MGAT4C: variants seen among roughly 807,000 people sequenced by gnomAD.
MGAT4C encodes MGAT4 family member C.
In MGAT4C, 19 loss-of-function variants were observed where a neutral mutation model predicts 40.1. The observed-to-expected ratio is 0.47, with a 90% CI of 0.33 to 0.70. MGAT4C has a LOEUF of 0.70. MGAT4C is among the 30% of genes least tolerant of loss of function. The pLI, the probability that MGAT4C is intolerant of heterozygous loss-of-function variation, is 0.02. For synonymous variants in MGAT4C, 181 were observed against 187.1 expected (o/e 0.97, Z 0.27); for missense variants, 491 against 563.2 (o/e 0.87, Z 1.30).
chr12:86,433,733 T>C (rs1957087619), intron 3 of MGAT4C, among the ~76,000 whole-genome samples: 2 of 152,014 alleles, frequency 1.3e-5, no homozygotes, highest in South Asian at 2.1e-4. Context: ...TGCTAAAGTT[T>C]TTTAAGCTCG....
chr12:86,145,995 C>T (rs1452733245), intron 1 of MGAT4C, among the ~76,000 whole-genome samples: 1 of 151,966 alleles, frequency 6.6e-6, no homozygotes, highest in Non-Finnish European at 1.5e-5. Context: ...TGAATGAAAA[C>T]AGTCTAAGAC....
At chr12:86,141,358 T>A (rs1034611418) in intron 1 of MGAT4C, among the ~76,000 whole-genome samples, 1 of 152,118 alleles carries the variant, frequency 6.6e-6, no homozygotes, top group Non-Finnish European at 1.5e-5. Flanking sequence ...GAAATATAAA[T>A]AAATAGCTGC....
chr12:86,434,084 G>A (rs2136272035), intron 3 of MGAT4C, among the ~76,000 whole-genome samples: 1 of 152,102 alleles, frequency 6.6e-6, no homozygotes, highest in South Asian at 2.1e-4. Context: ...CTATTCTGGT[G>A]TAAACTCCTG....
intron 1 of MGAT4C, among the ~76,000 whole-genome samples, chr12:86,143,718 C>A (rs574572255): frequency 6.6e-6 from 1 of 152,044 alleles, no homozygotes; most frequent in African/African-American, 2.4e-5. Flanking sequence ...AACACAGATA[C>A]TTGAAAACTT....
At chr12:86,581,313 G>A (rs1367913751) in intron 2 of MGAT4C, among the ~76,000 whole-genome samples, 1 of 151,374 alleles carries the variant, frequency 6.6e-6, no homozygotes, top group Non-Finnish European at 1.5e-5. Context: ...AGCCACAGTG[G>A]TATTTTATTA....
chr12:86,671,984 A>AT (rs1964265425), intron 2 of MGAT4C, among the ~76,000 whole-genome samples: 2 of 152,188 alleles, frequency 1.3e-5, no homozygotes, highest in African/African-American at 4.8e-5. Context: ...CAGAATACAC[A>AT]TTTTTCTAGT....
intron 2 of MGAT4C, among the ~76,000 whole-genome samples, chr12:86,725,955 A>G (rs1219915120): frequency 6.6e-6 from 1 of 152,208 alleles, no homozygotes; most frequent in Non-Finnish European, 1.5e-5. Flanking sequence ...CTTTACCTCT[A>G]GAATAAATAT....
At chr12:86,316,079 CAAAAAAAAAAAAA>C (rs71076185) in intron 4 of MGAT4C, among the ~76,000 whole-genome samples, 1 of 34,062 alleles carries the variant, frequency 2.9e-5, no homozygotes, top group African/African-American at 1.1e-4. Flanking sequence ...ATACAAGCAG[CAAAAAAAAAAAAA>C]AAAAAAAAAA....
At chr12:86,019,297 A>C (rs1298662272) in intron 2 of MGAT4C, among the ~76,000 whole-genome samples, 2 of 152,176 alleles carry the variant, frequency 1.3e-5, no homozygotes, top group East Asian at 3.9e-4. Context: ...TTATTCTTAC[A>C]CTATAAATAC....
intron 3 of MGAT4C, among the ~76,000 whole-genome samples, chr12:86,432,574 T>A (rs1252904585): frequency 6.6e-6 from 1 of 151,988 alleles, no homozygotes; most frequent in African/African-American, 2.4e-5. Flanking sequence ...AGGAAAGAAG[T>A]GCAGTGTGAG....
At chr12:86,361,317 C>T (rs967588263) in intron 3 of MGAT4C, among the ~76,000 whole-genome samples, 1 of 152,146 alleles carries the variant, frequency 6.6e-6, no homozygotes, top group Non-Finnish European at 1.5e-5. Context: ...CTTCCTTACA[C>T]CTTATACAAA....
intron 2 of MGAT4C, among the ~76,000 whole-genome samples, chr12:86,450,551 T>C (rs1957408878): frequency 1.3e-5 from 2 of 152,126 alleles, no homozygotes; most frequent in African/African-American, 2.4e-5. Context: ...ACTTAGTGCT[T>C]CTTGAGTTTT....
At chr12:86,673,032 T>C (rs1460524652) in intron 2 of MGAT4C, among the ~76,000 whole-genome samples, 2 of 152,294 alleles carry the variant, frequency 1.3e-5, no homozygotes, top group South Asian at 2.1e-4. Flanking sequence ...TATCTAAATA[T>C]AGCAACATGT....
intron 3 of MGAT4C, among the ~76,000 whole-genome samples, chr12:86,414,435 TAAGA>T (rs2136248687): frequency 6.6e-6 from 1 of 152,268 alleles, no homozygotes; most frequent in African/African-American, 2.4e-5. Context: ...CCTATTCTCA[TAAGA>T]ACAATTTCAA....
chr12:86,771,090 G>T (rs1180700736), intron 1 of MGAT4C, among the ~76,000 whole-genome samples: 1 of 152,212 alleles, frequency 6.6e-6, no homozygotes, highest in African/African-American at 2.4e-5. Context: ...GATCTATAGA[G>T]AGATGATATG....
At position 86,432,651 on chromosome 12, in the gene MGAT4C, C is replaced by G. The variant is rs535300580; in HGVS notation, c.-120+2506G>C. On this transcript the variant is annotated intron_variant, in intron 3 of 7. Coordinates refer to the MGAT4C transcript ENST00000548651. ...AACACAGGGGAACCCATTAAATAATCTGTATCTTCTCAGTGAAATGGGATG... is the reference window on the plus strand; with the variant it reads ...AACACAGGGGAACCCATTAAATAATGTGTATCTTCTCAGTGAAATGGGATG... Among the ~76,000 whole-genome samples the G allele has an allele frequency of 3.9e-5, 6 of 152,024 alleles. No homozygotes were observed. The South Asian group carries it at 6.2e-4, about 16-fold the overall frequency.
chr12:86,782,259 G>GC (rs1951859190), intron 1 of MGAT4C, among the ~76,000 whole-genome samples: 1 of 126,762 alleles, frequency 7.9e-6, no homozygotes, highest in South Asian at 2.6e-4. Context: ...TCGGCTCACT[G>GC]CAAGCTCCGC....
At chr12:86,285,980 CAACA>C (rs1953343887) in intron 4 of MGAT4C, among the ~76,000 whole-genome samples, 1 of 151,922 alleles carries the variant, frequency 6.6e-6, no homozygotes, top group Non-Finnish European at 1.5e-5. Flanking sequence ...AAAAGAAATA[CAACA>C]AACCAGAAAT....
intron 2 of MGAT4C, among the ~76,000 whole-genome samples, chr12:86,647,630 A>G (rs2098245100): frequency 6.6e-6 from 1 of 151,904 alleles, no homozygotes; most frequent in African/African-American, 2.4e-5. Flanking sequence ...TCTTTACTCT[A>G]GATCACATGT....
Sources: gnomAD v4.1 joint callset for allele counts (sites outside exome capture counted in the v4.1 genomes callset) on GRCh38, gnomAD v4.1.1 for gene constraint, MANE v1.5 for transcripts, NCBI Gene and HGNC (gene_info 2026-07-23, HGNC 2026-07-21) for gene names.